Variants in ZNF282 observed in about 807,000 individuals in gnomAD.
ZNF282 encodes HTLV-I U5 repressive element-binding protein 1.
In ZNF282, 30 loss-of-function variants were observed where a neutral mutation model predicts 61.9. The ratio of observed to expected loss-of-function variants is 0.48; its 90% CI spans 0.36 to 0.66. The LOEUF (loss-of-function observed/expected upper bound fraction) is 0.66. ZNF282 is among the 30% of genes least tolerant of loss of function. The pLI is 0.00. For missense variants in ZNF282, 788 were observed against 941.4 expected, an observed-to-expected ratio of 0.84 and a Z score of 2.13; for synonymous variants, 396 against 405.0, an observed-to-expected ratio of 0.98 and a Z score of 0.27.
At chr7:149,217,006 G>T (rs1360611202) in intron 7 of ZNF282, among the ~76,000 whole-genome samples, 1 of 152,222 alleles carries the variant, frequency 6.6e-6, no homozygotes, top group African/African-American at 2.4e-5. Context: ...GGACTCTGGA[G>T]TGCAGTGGCT....
At position 149,222,205 on chromosome 7, in the gene ZNF282, C is replaced by T. The variant is rs189210311; in HGVS notation, c.1181-1607C>T. 2.2e-3 allele frequency among the ~76,000 whole-genome samples: 338 copies of T among 152,242 alleles called. 3 individuals carry two copies. Among genetic ancestry groups the T allele is most frequent in the East Asian group, 1.9e-3 (10 of 5,170 alleles). ...CACTTGGAGGAAAGGGGGCAAGAAC[C>T]GCATTTCCTGGGGTGGTAGGTTGGG... On this transcript the variant is annotated intron_variant, in intron 7 of 7. Coordinates refer to ENST00000610704, the MANE Select transcript of ZNF282 (RefSeq NM_003575.4).
Position 149,223,895 on chromosome 7 carries a change from C to A in ZNF282, c.1264C>A (p.Gln422Lys). The A allele has an allele frequency of 7.1e-7, 1 of 1,414,216 alleles. No individual in the cohort carries two copies. The highest frequency in any genetic ancestry group is 9.2e-7 in the Non-Finnish European group (1 of 1,088,956). 87.6% of individuals were successfully genotyped at this position (1,414,216 alleles called of 1,614,324 possible). ...PQPQPPQPQL[Q>K]SQPQPQSLPP... Reference sequence around the variant, plus strand: ...GCCCCAGCCACCGCAGCCGCAGCTGCAGTCGCAGCCCCAGCCCCAGAGCCT... The same window carrying A: ...GCCCCAGCCACCGCAGCCGCAGCTGAAGTCGCAGCCCCAGCCCCAGAGCCT... Residue 422 changes from glutamine (Q) to lysine (K), a missense_variant, in exon 8 of 8, where the codon CAG becomes AAG. Physicochemically the swap from Gln to Lys is moderately conservative, Grantham distance 53. Transcript: ENST00000610704.
Position 149,206,875 on chromosome 7 carries a change from A to C in ZNF282, c.712+53A>C, listed in dbSNP as rs981288482. ...GAGCCATCTCTGCAGAGGGTTGTGA[A>C]ATGCTTATTTGTCCACGTTAGCACC... On this transcript the variant is annotated intron_variant, in intron 3 of 7. Coordinates refer to ENST00000610704, the MANE Select transcript of ZNF282 (RefSeq NM_003575.4). 3.2e-5 allele frequency: 52 copies of C among 1,606,824 alleles called. No homozygotes were observed. In the South Asian group the frequency reaches 5.1e-4, roughly 16 times the overall value.
At chr7:149,211,115 T>C (rs1399245665) in intron 5 of ZNF282, among the ~76,000 whole-genome samples, 1 of 152,196 alleles carries the variant, frequency 6.6e-6, no homozygotes, top group African/African-American at 2.4e-5. Context: ...TATGGGCTGC[T>C]ACCTCTGTGC....
rs371348972 is a variant in ZNF282, at chr7:149,206,817, C to G, written c.707C>G (p.Ser236Cys). The G allele has an allele frequency of 1.2e-6, 2 of 1,614,086 alleles. No individual in the cohort carries two copies. Among genetic ancestry groups the G allele is most frequent in the Non-Finnish European group, 1.7e-6 (2 of 1,180,020 alleles). The change falls in exon 3 of 8, where the codon TCC becomes TGC. Residue 236 changes from serine (S) to cysteine (C), a missense_variant. By Grantham distance (112) the Ser-to-Cys change is moderately radical (BLOSUM62 -1). Transcript: ENST00000610704. Reference sequence around the variant, plus strand: ...AAGGAGAACTACAAAACCCTCATGTCCCTGGGTAAGGACACCTTCTCTCCT... The same window carrying G: ...AAGGAGAACTACAAAACCCTCATGTGCCTGGGTAAGGACACCTTCTCTCCT... ...LVKENYKTLMSLDAEGSVPKP... is the reference protein window; with the variant it reads ...LVKENYKTLMCLDAEGSVPKP...
chr7:149,224,528 G>T lies in ZNF282; in HGVS notation c.1897G>T (p.Gly633Cys), dbSNP rs1430247915. Reference protein sequence around the residue: ...IHTGERPYTCGECGKSFRYKE... With the variant: ...IHTGERPYTCCECGKSFRYKE... ...CACGGGCGAGCGCCCCTACACGTGC[G>T]GCGAGTGCGGCAAGAGCTTCCGCTA... is the stretch of plus-strand genomic sequence containing the variant. The change falls in exon 8 of 8, where the codon GGC becomes TGC. Residue 633 changes from glycine (G) to cysteine (C), a missense_variant. By Grantham distance (159) the Gly-to-Cys change is radical. Coordinates refer to ENST00000610704, the MANE Select transcript of ZNF282 (RefSeq NM_003575.4). The T allele has an allele frequency of 1.2e-6, 2 of 1,610,934 alleles. No individual in the cohort carries two copies. The highest frequency in any genetic ancestry group is 8.5e-7 in the Non-Finnish European group (1 of 1,179,638).
At chr7:149,212,592 G>C in intron 6 of ZNF282, 121 bp downstream of exon 6, 2 of 851,060 alleles carry the variant, frequency 2.4e-6, no homozygotes, top group South Asian at 3.6e-5. Context: ...CTGATTTTTT[G>C]TTCTTTGAGA....
chr7:149,210,254 G>C (rs1409495120), intron 4 of ZNF282, among the ~76,000 whole-genome samples: 1 of 152,130 alleles, frequency 6.6e-6, no homozygotes, highest in Admixed American at 6.5e-5. Context: ...GACCCAGCCA[G>C]TTACACAGCT....
chr7:149,221,046 A>G (rs1441164088), intron 7 of ZNF282, among the ~76,000 whole-genome samples: 1 of 151,478 alleles, frequency 6.6e-6, no homozygotes, highest in Non-Finnish European at 1.5e-5. Flanking sequence ...CAGTCTTCTG[A>G]GTAGCTGGGA....
At position 149,195,566 on chromosome 7, in the gene ZNF282, C is replaced by G. The variant is rs1454378487; in HGVS notation, c.-24C>G. The stretch of plus-strand genomic sequence containing the variant: ...ACGTTCTTCTTCTCCCTGGCCGACC[C>G]GAGCGGGGAACAGCACTCCCAGGAT... On this transcript the variant is annotated 5_prime_UTR_variant, in exon 1 of 8. Coordinates refer to ENST00000610704, the MANE Select transcript of ZNF282 (RefSeq NM_003575.4). 6.2e-7 allele frequency: 1 copy of G among 1,606,122 alleles called. No individual in the cohort carries two copies. Among genetic ancestry groups the G allele is most frequent in the Admixed American group, 1.7e-5 (1 of 59,736 alleles).
chr7:149,203,763 C>T (rs763458796), intron 2 of ZNF282, among the ~76,000 whole-genome samples: 1 of 152,224 alleles, frequency 6.6e-6, no homozygotes, highest in Non-Finnish European at 1.5e-5. Context: ...TCAGTAAATT[C>T]CCAGCTGGTT....
intron 7 of ZNF282, among the ~76,000 whole-genome samples, chr7:149,219,657 G>A (rs1336349363): frequency 1.3e-5 from 2 of 152,114 alleles, no homozygotes; most frequent in Non-Finnish European, 2.9e-5. Context: ...GACCAGCCTG[G>A]CCAACATGGA....
rs1353027774 is a variant in ZNF282, at chr7:149,223,261, A to C, written c.1181-551A>C. 2.0e-5 allele frequency among the ~76,000 whole-genome samples: 3 copies of C among 151,150 alleles called. No individual in the cohort carries two copies. In the East Asian group the frequency reaches 5.8e-4, roughly 29 times the overall value. ...AATGCTGGGATTACAGGCGTGAGCC[A>C]CTGCGACCGGCCGAAAAGATTTGTT... On this transcript the variant is annotated intron_variant, in intron 7 of 7. Coordinates refer to ENST00000610704, the MANE Select transcript of ZNF282 (RefSeq NM_003575.4).
chr7:149,206,598 G>C (rs963629172), intron 2 of ZNF282, 98 bp from the exon 3 acceptor site: 2 of 1,572,512 alleles, frequency 1.3e-6, no homozygotes, highest in African/African-American at 2.7e-5. Context: ...AGCAAAGGCC[G>C]GGCTTTGGTG....
intron 2 of ZNF282, among the ~76,000 whole-genome samples, chr7:149,206,311 C>T (rs763829362): frequency 3.9e-5 from 6 of 152,166 alleles, no homozygotes; most frequent in Admixed American, 6.5e-5. Flanking sequence ...ACCTGAAATA[C>T]AGGTTTGGTA....
At chr7:149,210,876 C>T (rs66702759) in intron 5 of ZNF282, among the ~76,000 whole-genome samples, 172 bp downstream of exon 5, 16,742 of 152,296 alleles carry the variant, frequency 0.11, 963 homozygotes, top group Middle Eastern at 0.17. Context: ...CTCCAGGAGA[C>T]ACAGACGTGG....
chr7:149,206,836 C>A lies in ZNF282; in HGVS notation c.712+14C>A. 6.2e-7 allele frequency: 1 copy of A among 1,613,796 alleles called. No individual in the cohort carries two copies. The highest frequency in any genetic ancestry group is 1.3e-5 in the African/African-American group (1 of 75,050). On this transcript the variant is annotated intron_variant, in intron 3 of 7. Transcript: ENST00000610704. Reference sequence around the variant, plus strand: ...TCATGTCCCTGGGTAAGGACACCTTCTCTCCTCTTTGGTGAGCCATCTCTG... The same window carrying A: ...TCATGTCCCTGGGTAAGGACACCTTATCTCCTCTTTGGTGAGCCATCTCTG...
At position 149,223,943 on chromosome 7, in the gene ZNF282, A is replaced by T; in HGVS notation, c.1312A>T (p.Asn438Tyr). 1 of 1,317,812 alleles carries T rather than the reference A, an allele frequency of 7.6e-7. No individual in the cohort carries two copies. The highest frequency in any genetic ancestry group is 9.6e-7 in the Non-Finnish European group (1 of 1,036,744). 81.6% of individuals were successfully genotyped at this position (1,317,812 alleles called of 1,614,324 possible). The change falls in exon 8 of 8, where the codon AAC becomes TAC. Residue 438 changes from asparagine to tyrosine, a missense_variant. Asn to Tyr is a moderately radical substitution (Grantham distance 143). Around this residue, in one of 3 missense-constraint regions of ZNF282, gnomAD observed 559 missense variants for 642.0 expected, o/e 0.87. Transcript: ENST00000610704. Reference sequence around the variant, plus strand: ...CCTGCCCCCCATCGCGGTGGCCGAGAACCCGGGCGGCCCCCCGAGCCGAGG... The same window carrying T: ...CCTGCCCCCCATCGCGGTGGCCGAGTACCCGGGCGGCCCCCCGAGCCGAGG... ...QSLPPIAVAE[N>Y]PGGPPSRGLL... is the part of the protein sequence containing the mutation.
Position 149,207,471 on chromosome 7 carries a change from G to T in ZNF282, c.832+1G>T. ...GAAATCCCAATGGATCCCGAAGCAG[G>T]TGATGGCAGCAGAAGAGAGTGCGGG... On this transcript the variant is annotated splice_donor_variant, in intron 4 of 7. Coordinates refer to ENST00000610704, the MANE Select transcript of ZNF282 (RefSeq NM_003575.4). LOFTEE classifies it high-confidence loss of function. The T allele has an allele frequency of 6.4e-7, 1 of 1,559,790 alleles. No individual in the cohort carries two copies. Among genetic ancestry groups the T allele is most frequent in the Non-Finnish European group, 8.7e-7 (1 of 1,151,092 alleles).
Sources: gnomAD v4.1 joint callset for allele counts (sites outside exome capture counted in the v4.1 genomes callset) on GRCh38, gnomAD v4.1.1 for gene constraint, gnomAD v4.1.1 regional missense constraint, MANE v1.5 for transcripts, NCBI Gene and HGNC (gene_info 2026-07-23, HGNC 2026-07-21) for gene names.